Variants in RTTN observed in about 807,000 individuals in gnomAD.
RTTN encodes rotatin.
In RTTN, 182 loss-of-function variants were observed where a neutral mutation model predicts 269.2. The ratio of observed to expected loss-of-function variants is 0.68; its 90% CI spans 0.60 to 0.76. The LOEUF is 0.76. Ranked by LOEUF, RTTN falls within the 30% of genes least tolerant of loss-of-function variation. The pLI is 0.00. For synonymous variants in RTTN, 1,006 were observed against 963.5 expected, an observed-to-expected ratio of 1.04 and a Z score of -0.82; for missense variants, 2,545 against 2,608.6, an observed-to-expected ratio of 0.98 and a Z score of 0.53.
At chr18:70,033,856 T>TAATACAAAAGATCCAAAAA (rs71178841) in intron 40 of RTTN, among the ~76,000 whole-genome samples, 1 of 151,514 alleles carries the variant, frequency 6.6e-6, no homozygotes, top group Admixed American at 6.6e-5. Flanking sequence ...AAGATCCAAA[T>TAATACAAAAGATCCAAAAA]AAACATAATG....
chr18:70,060,710 C>G (rs2057957786), intron 35 of RTTN, among the ~76,000 whole-genome samples: 1 of 152,160 alleles, frequency 6.6e-6, no homozygotes, highest in Non-Finnish European at 1.5e-5. Flanking sequence ...TCTTATTCCT[C>G]CTAACTGTAT....
chr18:70,135,104 C>A, intron 22 of RTTN, 80 bp downstream of exon 22: 1 of 781,804 alleles, frequency 1.3e-6, no homozygotes, highest in Non-Finnish European at 2.1e-6. Context: ...TCAGAAATTT[C>A]CATGCCTTGC....
chr18:70,170,125 T>G (rs1197659795), intron 11 of RTTN, among the ~76,000 whole-genome samples: 1 of 152,194 alleles, frequency 6.6e-6, no homozygotes, highest in South Asian at 2.1e-4. Flanking sequence ...TGAAGAACTT[T>G]CCTTTTTTTT....
chr18:70,199,466 G>GA lies in RTTN; in HGVS notation c.525dup (p.Pro176SerfsTer16), dbSNP rs1342710484. On this transcript the variant is annotated frameshift_variant, in exon 5 of 49. Transcript: ENST00000640769. LOFTEE classifies it high-confidence loss of function. ...TCTGTGGTGGTCAGGGGTAGCCAAG[G>GA]AAATGTAGAAAACTTCAAGCACTTC... 1.9e-6 allele frequency: 3 copies of GA among 1,613,018 alleles called. No individual in the cohort carries two copies. In the African/African-American group the frequency reaches 4.0e-5, roughly 22 times the overall value.
At chr18:70,004,644 A>T (rs1420671621) in intron 48 of RTTN, among the ~76,000 whole-genome samples, 1 of 152,216 alleles carries the variant, frequency 6.6e-6, no homozygotes. Flanking sequence ...CTATAAAAAC[A>T]CAAATAACCA....
In RTTN at chr18:70,003,427, A is replaced by T. The variant is rs2056092647; in HGVS notation, c.*724T>A. 6.6e-6 allele frequency: 1 copy of T among 152,108 alleles called. No homozygotes were observed. Among genetic ancestry groups the T allele is most frequent in the South Asian group, 2.1e-4 (1 of 4,832 alleles). The allele number at this position is 152,108 out of a possible 1,614,324, so 9.4% of individuals were successfully genotyped here. On this transcript the variant is annotated 3_prime_UTR_variant, in exon 49 of 49. Transcript: ENST00000640769. Reference sequence around the variant, plus strand: ...CCCAGGCTTATACAGCCCCAACTCTATTTCTTTCTTCTTTATTACACAGCC... The same window carrying T: ...CCCAGGCTTATACAGCCCCAACTCTTTTTCTTTCTTCTTTATTACACAGCC...
At chr18:70,096,752 C>T (rs1416858669) in intron 28 of RTTN, among the ~76,000 whole-genome samples, 4 of 152,150 alleles carry the variant, frequency 2.6e-5, no homozygotes, top group Non-Finnish European at 5.9e-5. Flanking sequence ...GGAGGTGTCT[C>T]CCAGTCAGGA....
At chr18:70,011,389 C>T (rs2145462215) in intron 46 of RTTN, among the ~76,000 whole-genome samples, 1 of 152,284 alleles carries the variant, frequency 6.6e-6, no homozygotes, top group African/African-American at 2.4e-5. Flanking sequence ...AGCTTATTCA[C>T]CAAGATCAAG....
At chr18:70,014,538 A>G (rs1391045495) in intron 46 of RTTN, among the ~76,000 whole-genome samples, 1 of 152,214 alleles carries the variant, frequency 6.6e-6, no homozygotes, top group African/African-American at 2.4e-5. Flanking sequence ...TCTTTCATCC[A>G]TCACCAAGGC....
intron 1 of RTTN, 71 bp downstream of exon 1, chr18:70,205,557 T>C: frequency 6.3e-7 from 1 of 1,595,580 alleles, no homozygotes; most frequent in Non-Finnish European, 8.6e-7. Flanking sequence ...CGCGGAAACG[T>C]GACACGACCA....
chr18:70,185,517 C>T lies in RTTN; in HGVS notation c.1305+2591G>A, dbSNP rs556468983. Among the ~76,000 whole-genome samples, 4 of 152,290 alleles carry T rather than the reference C, an allele frequency of 2.6e-5. No homozygotes were observed. The East Asian group carries it at 7.7e-4, about 29-fold the overall frequency. On this transcript the variant is annotated intron_variant, in intron 10 of 48. Coordinates refer to ENST00000640769, the MANE Select transcript of RTTN (RefSeq NM_173630.4). ...AAGGCATCTACAAAATACAAATGTA[C>T]TAGAGCTAATCTTGTATTTAATGGT...
At position 70,030,071 on chromosome 18, in the gene RTTN, T is replaced by C. The variant is rs1172010260; in HGVS notation, c.5686A>G (p.Ile1896Val). The C allele has an allele frequency of 7.4e-6, 12 of 1,612,912 alleles. No homozygotes were observed. Among genetic ancestry groups the C allele is most frequent in the Admixed American group, 3.3e-5 (2 of 59,994 alleles). ...GAATCTAGGTTCAGTTGTGCATTTA[T>C]GTGTTTCATCTGCTCCATGCAATTG... ...IDNCMEQMKH[I>V]NAQLNLDSLR... The change falls in exon 42 of 49, where the codon ATA (isoleucine) becomes GTA (valine). Residue 1896 changes from isoleucine to valine, a missense_variant. Coordinates refer to ENST00000640769, the MANE Select transcript of RTTN (RefSeq NM_173630.4).
intron 25 of RTTN, 119 bp from the exon 26 acceptor site, chr18:70,121,819 G>A (rs1402739321): frequency 2.1e-6 from 2 of 944,816 alleles, no homozygotes; most frequent in South Asian, 2.1e-5. Context: ...ATGAGACACT[G>A]TTTTAAATGC....
intron 46 of RTTN, chr18:70,008,951 C>T (rs1036335548): frequency 2.0e-5 from 3 of 152,064 alleles, no homozygotes; most frequent in African/African-American, 7.2e-5. Context: ...AACCCCAAGA[C>T]ACATAATCAT....
chr18:70,121,907 C>A (rs768215164), intron 25 of RTTN, among the ~76,000 whole-genome samples: 6 of 151,926 alleles, frequency 3.9e-5, no homozygotes, highest in Non-Finnish European at 8.8e-5. Flanking sequence ...AACATGTGGA[C>A]AAGTAACTAA....
rs1303537160 is a variant in RTTN at position 70,121,464 on chromosome 18, T to C, written c.3528+92A>G. 3 of 1,124,746 alleles carry C rather than the reference T, an allele frequency of 2.7e-6. No homozygotes were observed. In the Admixed American group the frequency reaches 8.0e-5, roughly 30 times the overall value. The allele number at this position is 1,124,746 out of a possible 1,614,324, so 69.7% of individuals were successfully genotyped here. On this transcript the variant is annotated intron_variant, in intron 26 of 48. Transcript: ENST00000640769. ...ACTACTTTACCAAGCATAGACAATA[T>C]AAAATTATCCTTTTCCATAATATAA...
In RTTN at chr18:70,140,166, C is replaced by T. The variant is rs1260318892; in HGVS notation, c.2604G>A (p.Val868=). The change falls in exon 20 of 49, where the codon GTG becomes GTA. Residue 868 remains valine, a synonymous_variant. Coordinates refer to ENST00000640769, the MANE Select transcript of RTTN (RefSeq NM_173630.4). ...IMQDIKMHAV[V]KKLCLIDKII... is the part of the protein sequence containing the mutation. Reference sequence around the variant, plus strand: ...TTTTGTCAATTAAGCATAACTTTTTCACCACAGCATGCATTTTAATATCTG... The same window carrying T: ...TTTTGTCAATTAAGCATAACTTTTTTACCACAGCATGCATTTTAATATCTG... 6.3e-7 allele frequency: 1 copy of T among 1,588,038 alleles called. No homozygotes were observed. Among genetic ancestry groups the T allele is most frequent in the South Asian group, 1.1e-5 (1 of 90,078 alleles).
In RTTN at chr18:70,017,434, C is replaced by T. The variant is rs746935974; in HGVS notation, c.6394G>A (p.Ala2132Thr). 1 of 1,613,868 alleles carries T rather than the reference C, an allele frequency of 6.2e-7. No homozygotes were observed. Among genetic ancestry groups the T allele is most frequent in the Non-Finnish European group, 8.5e-7 (1 of 1,179,896 alleles). The change falls in exon 46 of 49, where the codon GCA (alanine) becomes ACA (threonine). Residue 2132 changes from alanine to threonine, a missense_variant. By Grantham distance (58) the Ala-to-Thr change is moderately conservative. Transcript: ENST00000640769. ...TTAGCCAGGATCTTGGGTTTATTTG[C>T]AGGACTGAAGCAAACATTATGAAAG... The part of the protein sequence containing the change: ...LIFHNVCFSP[A>T]NKPKILANEK...
chr18:70,132,056 G>A (rs2060011836), intron 23 of RTTN: 1 of 152,042 alleles, frequency 6.6e-6, no homozygotes, highest in South Asian at 2.1e-4. Flanking sequence ...ACAGTCATAA[G>A]AGATCGAGTG....
Sources: gnomAD v4.1 joint callset for allele counts (sites outside exome capture counted in the v4.1 genomes callset) on GRCh38, gnomAD v4.1.1 for gene constraint, MANE v1.5 for transcripts, NCBI Gene and HGNC (gene_info 2026-07-23, HGNC 2026-07-21) for gene names.